PLCE1: variants seen among roughly 807,000 people sequenced by gnomAD.
PLCE1 encodes 1-phosphatidylinositol 4,5-bisphosphate phosphodiesterase epsilon-1.
A neutral mutation model predicts 242.8 loss-of-function variants in PLCE1; 119 were observed. That is an observed-to-expected ratio of 0.49 (90% CI 0.42 to 0.57). The LOEUF is 0.57. Among genes scored for constraint, PLCE1 ranks in the 20% least tolerant of loss-of-function variants. The probability of loss-of-function intolerance (pLI) is 0.00; values close to 1 mark genes in which losing one functional copy is unlikely to be tolerated. For missense variants in PLCE1, 2,441 were observed against 2,788.8 expected (o/e 0.88, Z 2.81); for synonymous variants, 945 against 1,017.4 (o/e 0.93, Z 1.35).
At chr10:94,098,975 G>A (rs2045416344) in intron 2 of PLCE1, among the ~76,000 whole-genome samples, 1 of 152,202 alleles carries the variant, frequency 6.6e-6, no homozygotes, top group African/African-American at 2.4e-5. Context: ...GGCTGTGCCA[G>A]GCCATCTGGG....
chr10:94,265,037 C>T (rs2051462629), intron 14 of PLCE1, among the ~76,000 whole-genome samples: 1 of 152,164 alleles, frequency 6.6e-6, no homozygotes, highest in Non-Finnish European at 1.5e-5. Context: ...AGAGAGACTG[C>T]TTAGGAAGCT....
intron 2 of PLCE1, among the ~76,000 whole-genome samples, chr10:94,038,599 C>T (rs573639478): frequency 6.6e-6 from 1 of 152,264 alleles, no homozygotes; most frequent in Admixed American, 6.5e-5. Flanking sequence ...TTCAGCAATA[C>T]AAAGTCATGC....
intron 2 of PLCE1, among the ~76,000 whole-genome samples, chr10:94,077,521 A>C (rs1054423865): frequency 3.3e-5 from 5 of 152,184 alleles, no homozygotes; most frequent in African/African-American, 1.2e-4. Context: ...GACCTTTGGG[A>C]GGCCAAGGTG....
intron 19 of PLCE1, among the ~76,000 whole-genome samples, chr10:94,278,231 T>A (rs1053982791): frequency 3.3e-5 from 5 of 152,216 alleles, no homozygotes; most frequent in Non-Finnish European, 7.3e-5. Context: ...TTACACGAGT[T>A]CTTAACCTTG....
At chr10:94,142,277 G>T (rs557105547) in intron 3 of PLCE1, among the ~76,000 whole-genome samples, 3 of 150,536 alleles carry the variant, frequency 2.0e-5, no homozygotes, top group Non-Finnish European at 2.9e-5. Flanking sequence ...TGTACTCTGG[G>T]AGGCAAAGCC....
chr10:94,315,769 CAAAAAAAA>C (rs10572287), intron 28 of PLCE1, among the ~76,000 whole-genome samples: 30,622 of 123,164 alleles, frequency 0.25, 3,264 homozygotes, highest in Middle Eastern at 0.45. Flanking sequence ...GACTCTGTCT[CAAAAAAAA>C]AAAAAAAAAA....
At chr10:94,112,121 G>GT (rs1243684538) in intron 2 of PLCE1, among the ~76,000 whole-genome samples, 1 of 152,046 alleles carries the variant, frequency 6.6e-6, no homozygotes, top group Non-Finnish European at 1.5e-5. Context: ...CATGATTTTT[G>GT]TCCCCCTTTG....
chr10:94,245,475 T>C (rs147417592), intron 7 of PLCE1, among the ~76,000 whole-genome samples: 517 of 151,990 alleles, frequency 3.4e-3, no homozygotes, highest in African/African-American at 0.012. Context: ...TTATAAAGAA[T>C]ATTAGAATAC....
chr10:94,287,435 A>G (rs1343220809), intron 22 of PLCE1: 1 of 150,924 alleles, frequency 6.6e-6, no homozygotes, highest in Non-Finnish European at 1.5e-5. Context: ...GTCACCTTTC[A>G]TCATCCCAAG....
intron 2 of PLCE1, among the ~76,000 whole-genome samples, chr10:94,080,122 C>T (rs941455018): frequency 1.3e-5 from 2 of 152,118 alleles, no homozygotes; most frequent in Admixed American, 6.5e-5. Context: ...TGAGTTCTCT[C>T]TGGTACTTTG....
At chr10:94,205,023 A>G (rs969406703) in intron 4 of PLCE1, among the ~76,000 whole-genome samples, 1 of 152,230 alleles carries the variant, frequency 6.6e-6, no homozygotes, top group African/African-American at 2.4e-5. Context: ...GTAAGGATAA[A>G]GCTTAGAAAA....
intron 1 of PLCE1, among the ~76,000 whole-genome samples, chr10:94,022,390 T>C (rs2061388870): frequency 6.6e-6 from 1 of 152,040 alleles, no homozygotes; most frequent in Admixed American, 6.6e-5. Flanking sequence ...TTAAAGAAGA[T>C]ATGCATATAT....
chr10:94,315,626 A>G (rs531402869), intron 28 of PLCE1, among the ~76,000 whole-genome samples: 1 of 152,204 alleles, frequency 6.6e-6, no homozygotes, highest in African/African-American at 2.4e-5. Flanking sequence ...AAGATTAGCC[A>G]GGCATGGTGG....
In PLCE1 at chr10:94,271,993, C is replaced by T. The variant is rs147082355; in HGVS notation, c.4506+1391C>T. On this transcript the variant is annotated intron_variant, in intron 18 of 32. Transcript: ENST00000371380. ...CAAAAGGCAGAGCAAGGATCACATGCTTCTGAGGAAACAGGACCAGGGCAA... is the reference window on the plus strand; with the variant it reads ...CAAAAGGCAGAGCAAGGATCACATGTTTCTGAGGAAACAGGACCAGGGCAA... Among the ~76,000 whole-genome samples the T allele has an allele frequency of 6.4e-3, 980 of 152,298 alleles. 9 individuals are homozygous for T. The highest frequency in any genetic ancestry group is 0.022 in the African/African-American group (910 of 41,564).
At chr10:94,303,740 G>A (rs1281773556) in intron 24 of PLCE1, among the ~76,000 whole-genome samples, 1 of 152,082 alleles carries the variant, frequency 6.6e-6, no homozygotes, top group Non-Finnish European at 1.5e-5. Flanking sequence ...AAAATAAGTA[G>A]AGTTGCCCCT....
intron 5 of PLCE1, among the ~76,000 whole-genome samples, chr10:94,228,520 G>A (rs1313010863): frequency 6.6e-6 from 1 of 152,182 alleles, no homozygotes; most frequent in African/African-American, 2.4e-5. Context: ...GCCTCATAAA[G>A]AGAAGCTATT....
chr10:94,279,806 G>A lies in PLCE1; in HGVS notation c.4690G>A (p.Val1564Met), dbSNP rs780305452. Residue 1564 changes from valine (V) to methionine (M), a missense_variant, in exon 20 of 33, where the codon GTG (valine) becomes ATG (methionine). Around this residue, in one of 5 missense-constraint regions of PLCE1, gnomAD observed 1,004 missense variants for 1,322.7 expected, o/e 0.76. Transcript: ENST00000371380. ...QKAHQLASMQ[V>M]QAYNGGNANP... ...GGCTCATCAGTTAGCATCTATGCAA[G>A]TGCAGGCTTATAATGGTGGGAATGC... is the stretch of plus-strand genomic sequence containing the variant. The A allele has an allele frequency of 2.5e-6, 4 of 1,613,596 alleles. No homozygotes were observed. Among genetic ancestry groups the A allele is most frequent in the East Asian group, 4.5e-5 (2 of 44,882 alleles).
Position 94,058,238 on chromosome 10 carries a change from C to T in PLCE1, c.1206+25986C>T, listed in dbSNP as rs117727651. Among the ~76,000 whole-genome samples, 551 of 152,270 alleles carry T rather than the reference C, an allele frequency of 3.6e-3. 14 individuals carry two copies. The East Asian group carries it at 0.037, about 10-fold the overall frequency. On this transcript the variant is annotated intron_variant, in intron 2 of 32. Coordinates refer to ENST00000371380, the MANE Select transcript of PLCE1 (RefSeq NM_016341.4). ...TTTAAATTGTCAAGTGCTCCATAAACATTAGCTCTTATTGGCATGTATATT... is the reference window on the plus strand; with the variant it reads ...TTTAAATTGTCAAGTGCTCCATAAATATTAGCTCTTATTGGCATGTATATT...
chr10:94,132,539 A>G, intron 3 of PLCE1, 80 bp downstream of exon 3: 1 of 1,366,894 alleles, frequency 7.3e-7, no homozygotes, highest in Non-Finnish European at 1.0e-6. Context: ...GTATCTCCTG[A>G]TGGAAAATTA....
Sources: allele counts gnomAD v4.1 joint callset (sites outside exome capture counted in the v4.1 genomes callset), GRCh38; gene constraint gnomAD v4.1.1; regional missense constraint gnomAD v4.1.1; transcripts MANE v1.5; gene names NCBI Gene and HGNC (gene_info 2026-07-23, HGNC 2026-07-21).